NRG2: variants seen among roughly 807,000 people sequenced by gnomAD.
NRG2 encodes neuregulin 2.
Under a neutral mutation model 73.9 loss-of-function variants are expected in NRG2, and 27 were observed. The observed-to-expected ratio is 0.37, with a 90% confidence interval of 0.27 to 0.50. NRG2 has a LOEUF of 0.50. NRG2 is among the 20% of genes least tolerant of loss of function. The pLI is 0.96. For synonymous variants in NRG2, 532 were observed against 541.0 expected (o/e 0.98, Z 0.23); for missense variants, 1,126 against 1,210.1 (o/e 0.93, Z 1.03).
chr5:139,847,961 G>C lies in NRG2; in HGVS notation c.2509C>G (p.Arg837Gly), dbSNP rs1283285068. The C allele has an allele frequency of 2.6e-6, 4 of 1,509,850 alleles. No homozygotes were observed. In the East Asian group the frequency reaches 1.1e-4, roughly 41 times the overall value. 93.5% of individuals were successfully genotyped at this position (1,509,850 alleles called of 1,614,324 possible). The change falls in exon 10 of 10, where the codon CGC becomes GGC. Residue 837 changes from arginine to glycine, a missense_variant. Physicochemically the swap from Arg to Gly is moderately radical, Grantham distance 125. Coordinates refer to ENST00000361474, the MANE Select transcript of NRG2 (RefSeq NM_004883.3). ...TGCTTGGCCCGCGGGGGCGGCCCGC[G>C]GCTGTGTCTGCTGCTGGCCCGCGTG... ...HSTRASSRHSRGPPPRAKQDS... is the reference protein window; with the variant it reads ...HSTRASSRHSGGPPPRAKQDS...
intron 1 of NRG2, among the ~76,000 whole-genome samples, chr5:139,987,367 C>CAA (rs34895532): frequency 0.011 from 358 of 32,500 alleles, 6 homozygotes; most frequent in Middle Eastern, 0.031. Flanking sequence ...GACTCTGTCT[C>CAA]AAAAAAAAAA....
chr5:139,863,645 C>T (rs1328873122), intron 5 of NRG2, among the ~76,000 whole-genome samples: 2 of 152,228 alleles, frequency 1.3e-5, no homozygotes, highest in African/African-American at 4.8e-5. Context: ...GTCTCTTGCC[C>T]CTGGCCCCCA....
At chr5:139,977,299 T>G (rs1756448471) in intron 1 of NRG2, among the ~76,000 whole-genome samples, 1 of 152,140 alleles carries the variant, frequency 6.6e-6, no homozygotes, top group South Asian at 2.1e-4. Flanking sequence ...TAGGTAGAAG[T>G]TGTCCTTGCT....
intron 1 of NRG2, among the ~76,000 whole-genome samples, chr5:139,925,549 ATAT>A (rs1751988839): frequency 6.6e-6 from 1 of 152,206 alleles, no homozygotes; most frequent in East Asian, 1.9e-4. Context: ...TTCCTGGTAA[ATAT>A]TATCTTTGGT....
intron 1 of NRG2, among the ~76,000 whole-genome samples, chr5:139,926,162 G>T (rs139483933): frequency 4.6e-5 from 7 of 152,334 alleles, no homozygotes; most frequent in African/African-American, 1.7e-4. Context: ...ATGAACACGC[G>T]AAGATTTGCT....
chr5:139,916,561 C>T (rs1343606204), intron 1 of NRG2, among the ~76,000 whole-genome samples: 1 of 152,196 alleles, frequency 6.6e-6, no homozygotes, highest in Non-Finnish European at 1.5e-5. Flanking sequence ...CCTGCCATCC[C>T]CTTCATCCCC....
In NRG2 at chr5:139,904,418, G is replaced by T; in HGVS notation, c.701-16907C>A. On this transcript the variant is annotated intron_variant, in intron 1 of 9. Coordinates refer to ENST00000361474, the MANE Select transcript of NRG2 (RefSeq NM_004883.3). The surrounding 1 kb of genome is among the most constrained non-coding windows in gnomAD (Gnocchi z 6.0). ...GACATTCTGCACGGGGTCCCAGGCG[G>T]TGGGACGGCCTCAGCTCTCCGCTGC... 7.0e-7 allele frequency: 1 copy of T among 1,436,210 alleles called. No homozygotes were observed. Among genetic ancestry groups the T allele is most frequent in the Non-Finnish European group, 9.6e-7 (1 of 1,043,690 alleles). The allele number at this position is 1,436,210 out of a possible 1,614,324, so 89.0% of individuals were successfully genotyped here.
chr5:140,013,424 G>A (rs1310667833), intron 1 of NRG2, among the ~76,000 whole-genome samples: 1 of 152,108 alleles, frequency 6.6e-6, no homozygotes, highest in East Asian at 1.9e-4. Context: ...AGTTCAGAAA[G>A]ACAAAAAAGT....
chr5:139,926,820 C>A (rs1320072442), intron 1 of NRG2, among the ~76,000 whole-genome samples: 2 of 152,196 alleles, frequency 1.3e-5, no homozygotes, highest in Non-Finnish European at 1.5e-5. Context: ...AGCGATTGAA[C>A]CCCTACTCCC....
At chr5:139,947,004 TA>T (rs564303149) in intron 1 of NRG2, among the ~76,000 whole-genome samples, 295 of 146,050 alleles carry the variant, frequency 2.0e-3, no homozygotes, top group African/African-American at 5.8e-3. Flanking sequence ...TGGCTACTAT[TA>T]AAAAAAAAAA....
In NRG2 at chr5:139,868,058, C is replaced by T. The variant is rs942115354; in HGVS notation, c.1113-2433G>A. The stretch of plus-strand genomic sequence containing the variant: ...CCGCTGAGTTGCACAACATTATGGT[C>T]CTAACCTTCCTTCCTTGAGAAAATG... On this transcript the variant is annotated intron_variant, in intron 4 of 9. Coordinates refer to ENST00000361474, the MANE Select transcript of NRG2 (RefSeq NM_004883.3). This position sits in a 1 kb window ranked among gnomAD's most constrained non-coding sequence, Gnocchi z 4.2. Among the ~76,000 whole-genome samples, 8 of 152,032 alleles carry T rather than the reference C, an allele frequency of 5.3e-5. No individual in the cohort carries two copies. The highest frequency in any genetic ancestry group is 8.8e-5 in the Non-Finnish European group (6 of 68,014).
intron 4 of NRG2, among the ~76,000 whole-genome samples, chr5:139,867,793 T>TGTGC (rs1554101284): frequency 7.5e-6 from 1 of 132,538 alleles, no homozygotes; most frequent in Non-Finnish European, 1.5e-5. Context: ...TGTGTGTGTG[T>TGTGC]GTGTATGAGT....
chr5:139,865,020 A>C lies in NRG2; in HGVS notation c.1189+529T>G. The C allele has an allele frequency of 9.4e-7, 1 of 1,059,946 alleles. No individual in the cohort carries two copies. The highest frequency in any genetic ancestry group is 1.5e-6 in the Non-Finnish European group (1 of 676,046). 65.7% of individuals were successfully genotyped at this position (1,059,946 alleles called of 1,614,324 possible). Reference sequence around the variant, plus strand: ...CTAAGGAGCGCAGGACACCCTCTACATCTCCCCCTAGTCTTGCTAAGCAAG... The same window carrying C: ...CTAAGGAGCGCAGGACACCCTCTACCTCTCCCCCTAGTCTTGCTAAGCAAG... On this transcript the variant is annotated intron_variant, in intron 5 of 9. Coordinates refer to ENST00000361474, the MANE Select transcript of NRG2 (RefSeq NM_004883.3). This position sits in a 1 kb window ranked among gnomAD's most constrained non-coding sequence, Gnocchi z 5.2.
At chr5:139,957,149 T>A (rs1301036291) in intron 1 of NRG2, among the ~76,000 whole-genome samples, 43 of 152,322 alleles carry the variant, frequency 2.8e-4, no homozygotes, top group African/African-American at 1.0e-3. Context: ...TGCTCCTGCC[T>A]GCACACCTCT....
At chr5:139,859,527 G>A (rs761005522) in intron 5 of NRG2, among the ~76,000 whole-genome samples, 1 of 152,178 alleles carries the variant, frequency 6.6e-6, no homozygotes, top group Non-Finnish European at 1.5e-5. Context: ...CCTTCAAGGG[G>A]CCATGTTCAC....
intron 1 of NRG2, among the ~76,000 whole-genome samples, chr5:139,938,236 C>T (rs374606893): frequency 1.3e-5 from 2 of 152,186 alleles, no homozygotes; most frequent in Admixed American, 1.3e-4. Context: ...CAAATCCCAG[C>T]AGGCTTTTTA....
intron 1 of NRG2, among the ~76,000 whole-genome samples, chr5:139,903,836 C>G (rs1043112528): frequency 1.3e-5 from 2 of 152,210 alleles, no homozygotes; most frequent in African/African-American, 2.4e-5. Context: ...CTCCAGTGGC[C>G]GAGCAGAACG....
At chr5:139,872,780 G>A (rs770272621) in intron 3 of NRG2, among the ~76,000 whole-genome samples, 2 of 152,184 alleles carry the variant, frequency 1.3e-5, no homozygotes, top group Non-Finnish European at 2.9e-5. Flanking sequence ...CCTCATCAGG[G>A]AATGGCATCC....
Position 139,915,709 on chromosome 5 carries a change from A to G in NRG2, c.701-28198T>C, listed in dbSNP as rs1369773246. On this transcript the variant is annotated intron_variant, in intron 1 of 9. Transcript: ENST00000361474. The surrounding 1 kb of genome is among the most constrained non-coding windows in gnomAD (Gnocchi z 4.0). Reference sequence around the variant, plus strand: ...GTAGCAGAACTGTATAGCTTAAAAGATTATGAAAGGCTGTGTGGTAAATTC... The same window carrying G: ...GTAGCAGAACTGTATAGCTTAAAAGGTTATGAAAGGCTGTGTGGTAAATTC... Among the ~76,000 whole-genome samples, 5 of 152,222 alleles carry G rather than the reference A, an allele frequency of 3.3e-5. No homozygotes were observed. The highest frequency in any genetic ancestry group is 7.3e-5 in the Non-Finnish European group (5 of 68,036).
Sources: gnomAD v4.1 joint callset for allele counts (sites outside exome capture counted in the v4.1 genomes callset) on GRCh38, gnomAD v4.1.1 for gene constraint, Gnocchi (gnomAD v3.1) non-coding constraint, MANE v1.5 for transcripts, NCBI Gene and HGNC (gene_info 2026-07-23, HGNC 2026-07-21) for gene names.